ATP5F1C: variants seen among roughly 807,000 people sequenced by gnomAD.
ATP5F1C encodes the protein ATP synthase F1 subunit gamma, also known as ATP synthase F(1) complex subunit gamma, mitochondrial.
In ATP5F1C, 22 loss-of-function variants were observed where a neutral mutation model predicts 37.4. The ratio of observed to expected loss-of-function variants is 0.59; its 90% CI spans 0.42 to 0.84. The LOEUF (loss-of-function observed/expected upper bound fraction) is 0.84. ATP5F1C is among the 40% of genes least tolerant of loss of function. The pLI, the probability that ATP5F1C is intolerant of heterozygous loss-of-function variation, is 0.00. For missense variants in ATP5F1C, 286 were observed against 362.4 expected, an observed-to-expected ratio of 0.79 and a Z score of 1.71; for synonymous variants, 121 against 128.0, an observed-to-expected ratio of 0.95 and a Z score of 0.37.
chr10:7,800,113 CA>C, intron 6 of ATP5F1C, 22 bp downstream of exon 6: 1 of 1,608,852 alleles, frequency 6.2e-7, no homozygotes, highest in Non-Finnish European at 8.5e-7. Flanking sequence ...TTCTATGATA[CA>C]TATTTTTTGG....
intron 1 of ATP5F1C, among the ~76,000 whole-genome samples, chr10:7,793,627 A>G (rs1018863543): frequency 6.6e-6 from 1 of 152,224 alleles, no homozygotes; most frequent in African/African-American, 2.4e-5. Flanking sequence ...CTAAATTTCA[A>G]TAAAGCCCAA....
intron 2 of ATP5F1C, chr10:7,796,358 T>C (rs890732559): frequency 7.0e-6 from 3 of 431,216 alleles, no homozygotes; most frequent in African/African-American, 6.2e-5. Flanking sequence ...TGTTCTGTTG[T>C]TTGTAGAATG....
Position 7,796,131 on chromosome 10 carries a change from C to A in ATP5F1C, c.67C>A (p.Arg23=). 1 of 1,588,258 alleles carries A rather than the reference C, an allele frequency of 6.3e-7. No individual in the cohort carries two copies. The highest frequency in any genetic ancestry group is 1.2e-5 in the South Asian group (1 of 85,010). ...AACTTTTATCCTCAGGATTCAAGTT[C>A]GAAATATGGCAACTTTGAAAGATAG... The part of the protein sequence containing the change: ...WTLQPQWIQV[R]NMATLKDITR... The change falls in exon 2 of 10, where the codon CGA becomes AGA. Residue 23 remains arginine, a synonymous_variant. Transcript: ENST00000356708.
intron 8 of ATP5F1C, 83 bp downstream of exon 8, chr10:7,802,937 G>GT (rs1836399780): frequency 2.4e-6 from 3 of 1,249,496 alleles, no homozygotes; most frequent in South Asian, 1.4e-5. Flanking sequence ...AAAGTTTTTC[G>GT]TTTTTTTCTT....
At chr10:7,791,018 C>T (rs746608241) in intron 1 of ATP5F1C, among the ~76,000 whole-genome samples, 14 of 152,044 alleles carry the variant, frequency 9.2e-5, no homozygotes, top group Non-Finnish European at 1.5e-4. Context: ...AAGATGCAGT[C>T]GGGCTAGGCG....
Position 7,799,815 on chromosome 10 carries a change from A to G in ATP5F1C, c.472A>G (p.Arg158Gly), listed in dbSNP as rs766182139. 1 of 1,614,228 alleles carries G rather than the reference A, an allele frequency of 6.2e-7. No homozygotes were observed. The highest frequency in any genetic ancestry group is 8.5e-7 in the Non-Finnish European group (1 of 1,180,044). The change falls in exon 5 of 10, where the codon AGA becomes GGA. Residue 158 changes from arginine (R) to glycine (G), a missense_variant. Physicochemically the swap from Arg to Gly is moderately radical, Grantham distance 125. Transcript: ENST00000356708. Reference sequence around the variant, plus strand: ...TCTGGTGGCATTCAAAGAAGTGGGAAGAAAGCCCCCCACTTTTGGAGATGC... The same window carrying G: ...TCTGGTGGCATTCAAAGAAGTGGGAGGAAAGCCCCCCACTTTTGGAGATGC... ...QFLVAFKEVG[R>G]KPPTFGDASV... is the part of the protein sequence containing the mutation.
At chr10:7,792,904 T>A (rs140715729) in intron 1 of ATP5F1C, among the ~76,000 whole-genome samples, 2 of 152,316 alleles carry the variant, frequency 1.3e-5, no homozygotes, top group East Asian at 3.9e-4. Context: ...TACCAGAACA[T>A]CTTCCCAAGT....
In ATP5F1C at chr10:7,788,437, G is replaced by C. The variant is rs562962243; in HGVS notation, c.56+174G>C. Among the ~76,000 whole-genome samples the C allele has an allele frequency of 9.2e-5, 14 of 152,368 alleles. No individual in the cohort carries two copies. In the South Asian group the frequency reaches 2.3e-3, roughly 25 times the overall value. On this transcript the variant is annotated intron_variant, in intron 1 of 9. Transcript: ENST00000356708. ...GGCTGCAGGAAGCGGCTCTGAGGTC[G>C]GGCAAGGTGTGCGCAGGGCCGGGCT...
Position 7,807,003 on chromosome 10 carries a change from G to C in ATP5F1C, c.*23G>C. ...TAATGAAAATCAAGTTCCATCCTCA[G>C]ACAAGAGGTAAAGTTCACACATTCT... On this transcript the variant is annotated 3_prime_UTR_variant, in exon 9 of 10. Coordinates refer to ENST00000356708, the MANE Select transcript of ATP5F1C (RefSeq NM_001001973.3). The C allele has an allele frequency of 6.2e-7, 1 of 1,611,346 alleles. No individual in the cohort carries two copies. The highest frequency in any genetic ancestry group is 1.7e-5 in the Admixed American group (1 of 59,936).
At chr10:7,806,357 C>A (rs1055483436) in intron 8 of ATP5F1C, among the ~76,000 whole-genome samples, 2 of 152,104 alleles carry the variant, frequency 1.3e-5, no homozygotes, top group East Asian at 3.9e-4. Flanking sequence ...TAGTTGCCAG[C>A]CTAAAAACTA....
intron 8 of ATP5F1C, among the ~76,000 whole-genome samples, chr10:7,806,203 A>G (rs1049080765): frequency 6.6e-6 from 1 of 152,218 alleles, no homozygotes; most frequent in African/African-American, 2.4e-5. Flanking sequence ...CATGCTCTGT[A>G]ACCTATCAGT....
At chr10:7,798,437 A>C (rs772348020) in intron 3 of ATP5F1C, among the ~76,000 whole-genome samples, 51 of 151,488 alleles carry the variant, frequency 3.4e-4, no homozygotes, top group Middle Eastern at 6.8e-3. Context: ...GTCGGAGTCT[A>C]GCTCTGTCTC....
chr10:7,807,091 GA>G, intron 9 of ATP5F1C, 81 bp downstream of exon 9: 1 of 1,365,632 alleles, frequency 7.3e-7, no homozygotes, highest in Non-Finnish European at 1.0e-6. Flanking sequence ...AGTAATCCTA[GA>G]ATTGTCCTCT....
At chr10:7,794,300 A>G (rs1375738817) in intron 1 of ATP5F1C, among the ~76,000 whole-genome samples, 1 of 152,204 alleles carries the variant, frequency 6.6e-6, no homozygotes, top group Non-Finnish European at 1.5e-5. Context: ...TACATAGATA[A>G]TCATGTCATC....
intron 1 of ATP5F1C, among the ~76,000 whole-genome samples, chr10:7,792,095 T>C (rs1836172943): frequency 6.6e-6 from 1 of 152,244 alleles, no homozygotes; most frequent in Non-Finnish European, 1.5e-5. Context: ...AAGTCATTAC[T>C]ACACCAAAAA....
At position 7,788,182 on chromosome 10, in the gene ATP5F1C, C is replaced by T. The variant is rs748725502; in HGVS notation, c.-26C>T. On this transcript the variant is annotated 5_prime_UTR_variant, in exon 1 of 10. Transcript: ENST00000356708. ...GCATGCGCGCTGAGGCCTGCCTGAC[C>T]GACCTTCAGCAGGGCTGTGGCTACC... is the stretch of plus-strand genomic sequence containing the variant. 34 of 1,612,320 alleles carry T rather than the reference C, an allele frequency of 2.1e-5. No homozygotes were observed. The highest frequency in any genetic ancestry group is 2.8e-5 in the Non-Finnish European group (33 of 1,179,806).
chr10:7,793,585 C>T (rs1044038375), intron 1 of ATP5F1C, among the ~76,000 whole-genome samples: 1 of 152,148 alleles, frequency 6.6e-6, no homozygotes, highest in Non-Finnish European at 1.5e-5. Context: ...ACTTTTCATT[C>T]TCTTCACAGT....
intron 1 of ATP5F1C, among the ~76,000 whole-genome samples, chr10:7,795,915 T>C (rs1185224993): frequency 1.3e-5 from 2 of 152,164 alleles, no homozygotes; most frequent in Non-Finnish European, 2.9e-5. Flanking sequence ...ACAGGCCAAA[T>C]AAAAGGAGGC....
chr10:7,788,396 G>A (rs2131048329), intron 1 of ATP5F1C, 133 bp downstream of exon 1: 1 of 1,304,736 alleles, frequency 7.7e-7, no homozygotes, highest in East Asian at 2.5e-5. Context: ...GCCCGTCGGA[G>A]GCGCCGGGTA....
Sources: allele counts gnomAD v4.1 joint callset (sites outside exome capture counted in the v4.1 genomes callset), GRCh38; gene constraint gnomAD v4.1.1; transcripts MANE v1.5; gene names NCBI Gene and HGNC (gene_info 2026-07-23, HGNC 2026-07-21).